DHX34: variants seen among roughly 807,000 people sequenced by gnomAD.
DHX34 encodes probable ATP-dependent RNA helicase DHX34.
In DHX34, 96 loss-of-function variants were observed where a neutral mutation model predicts 111.1. That is an observed-to-expected ratio of 0.86 (90% confidence interval 0.73 to 1.02). The LOEUF (loss-of-function observed/expected upper bound fraction) is 1.02. DHX34 is among the 50% of genes least tolerant of loss of function. The probability of loss-of-function intolerance (pLI) is 0.00; values close to 1 mark genes in which losing one functional copy is unlikely to be tolerated. For missense variants in DHX34, 1,560 were observed against 1,579.9 expected (o/e 0.99, Z 0.21); for synonymous variants, 688 against 670.4 (o/e 1.03, Z -0.41).
chr19:47,379,282 C>T (rs1472338489), intron 13 of DHX34, among the ~76,000 whole-genome samples: 2 of 152,206 alleles, frequency 1.3e-5, no homozygotes, highest in Non-Finnish European at 2.9e-5. Context: ...CTTTCCTCTG[C>T]CCTGGCCCCA....
At chr19:47,349,991 T>TACA (rs1192567284) in intron 1 of DHX34, among the ~76,000 whole-genome samples, 2 of 152,152 alleles carry the variant, frequency 1.3e-5, no homozygotes, top group Non-Finnish European at 2.9e-5. Context: ...TTAGCCTCTC[T>TACA]ATTGCTCAGT....
chr19:47,381,390 C>T, intron 16 of DHX34, 66 bp downstream of exon 16: 2 of 1,563,766 alleles, frequency 1.3e-6, no homozygotes, highest in Non-Finnish European at 1.7e-6. Flanking sequence ...ATGATGGTCT[C>T]CTGTGCGTGT....
chr19:47,361,636 G>A (rs1279715286), intron 5 of DHX34, among the ~76,000 whole-genome samples: 11 of 151,838 alleles, frequency 7.2e-5, no homozygotes, highest in South Asian at 2.1e-4. Context: ...AAAATGACCC[G>A]GGCATGGTGG....
intron 1 of DHX34, among the ~76,000 whole-genome samples, chr19:47,350,399 G>C (rs1488258034): frequency 6.6e-6 from 1 of 151,068 alleles, no homozygotes; most frequent in African/African-American, 2.4e-5. Flanking sequence ...GTGAGACCCT[G>C]TTTCAAAAAA....
chr19:47,381,141 G>A, intron 15 of DHX34, 45 bp from the exon 16 acceptor site: 1 of 1,607,006 alleles, frequency 6.2e-7, no homozygotes, highest in South Asian at 1.1e-5. Context: ...TGGGTGGTGG[G>A]TGGCACTTGG....
chr19:47,363,182 C>T (rs1969687162), intron 6 of DHX34, among the ~76,000 whole-genome samples: 2 of 152,094 alleles, frequency 1.3e-5, no homozygotes, highest in Middle Eastern at 3.4e-3. Context: ...TCTTGATTTC[C>T]TGACCTTGTA....
Position 47,376,044 on chromosome 19 carries a change from C to T in DHX34, c.2428C>T (p.Pro810Ser). Reference sequence around the variant, plus strand: ...GCTGGTGCTGGGCCGGGGCCTGTACCCACAGCTGGCCGTCCCCGACGCCTT... The same window carrying T: ...GCTGGTGCTGGGCCGGGGCCTGTACTCACAGCTGGCCGTCCCCGACGCCTT... ...LKLVLGRGLY[P>S]QLAVPDAFNS... is the part of the protein sequence containing the mutation. The change falls in exon 11 of 17, where the codon CCA becomes TCA. Residue 810 changes from proline (P) to serine (S), a missense_variant. Coordinates refer to ENST00000328771, the MANE Select transcript of DHX34 (RefSeq NM_014681.6). 1 of 1,595,142 alleles carries T rather than the reference C, an allele frequency of 6.3e-7. No individual in the cohort carries two copies. Among genetic ancestry groups the T allele is most frequent in the Non-Finnish European group, 8.5e-7 (1 of 1,171,168 alleles).
At chr19:47,377,281 C>T (rs933813839) in intron 13 of DHX34, 75 bp downstream of exon 13, 65 of 1,493,490 alleles carry the variant, frequency 4.4e-5, no homozygotes, top group South Asian at 3.2e-4. Flanking sequence ...GTGGGGGCAC[C>T]GCGTGGGCTT....
intron 7 of DHX34, among the ~76,000 whole-genome samples, chr19:47,371,625 G>A (rs535901592): frequency 1.3e-4 from 20 of 152,282 alleles, no homozygotes; most frequent in African/African-American, 4.8e-4. Context: ...TTGAGACGAA[G>A]TCTTGCTCTG....
At position 47,353,451 on chromosome 19, in the gene DHX34, C is replaced by A. The variant is rs1969353212; in HGVS notation, c.421C>A (p.Leu141Met). ...GTTCCGCCGAGCCCTGTTGCACTAC[C>A]TGGACTTTGGCCAGAAGCAGGCATT... ...AEFRRALLHY[L>M]DFGQKQAFGR... The change falls in exon 2 of 17, where the codon CTG becomes ATG. Residue 141 changes from leucine (L) to methionine (M), a missense_variant. Physicochemically the swap from Leu to Met is conservative, Grantham distance 15 (BLOSUM62 2). Transcript: ENST00000328771. The surrounding 1 kb of genome is among the most constrained non-coding windows in gnomAD (Gnocchi z 4.6). 11 of 1,614,062 alleles carry A rather than the reference C, an allele frequency of 6.8e-6. No homozygotes were observed. Among genetic ancestry groups the A allele is most frequent in the Non-Finnish European group, 9.3e-6 (11 of 1,180,044 alleles).
chr19:47,349,698 C>A (rs1044837200), intron 1 of DHX34, among the ~76,000 whole-genome samples: 2 of 152,014 alleles, frequency 1.3e-5, no homozygotes, highest in African/African-American at 4.8e-5. Context: ...GTCTTAGAGC[C>A]CACGAGGCCG....
rs955543104 is a variant in DHX34 at position 47,351,171 on chromosome 19, C to CTTTT, written c.-277-1561_-277-1558dup. Among the ~76,000 whole-genome samples, 97 of 93,094 alleles carry CTTTT rather than the reference C, an allele frequency of 1.0e-3. 1 individual carries two copies. Among genetic ancestry groups the CTTTT allele is most frequent in the East Asian group, 1.6e-3 (5 of 3,106 alleles). The allele number at this position is 93,094 out of a possible 152,430, so 61.1% of individuals were successfully genotyped here. A position where few individuals can be genotyped will look rare whatever the true frequency, so the allele number is the denominator to read the frequency against. On this transcript the variant is annotated intron_variant, in intron 1 of 16. Transcript: ENST00000328771. The stretch of plus-strand genomic sequence containing the variant: ...AGAAGAATGCTCTCATTTTCTTTTT[C>CTTTT]TTTTTTTTTTTTTTTTTTTTTTTTT...
chr19:47,360,669 T>TTTGTTGTTGTTG (rs58164248), intron 5 of DHX34, among the ~76,000 whole-genome samples: 32 of 149,118 alleles, frequency 2.1e-4, no homozygotes, highest in African/African-American at 2.8e-4. Flanking sequence ...TGACATTCTG[T>TTTGTTGTTGTTG]TTGTTGTTGT....
At chr19:47,381,558 GCTGTCTTTGTCTCTGTTT>G (rs922209565) in intron 16 of DHX34, 4 of 618,038 alleles carry the variant, frequency 6.5e-6, no homozygotes, top group African/African-American at 3.7e-5. Context: ...TCTCTGTGTT[GCTGTCTTTGTCTCTGTTT>G]CTGTCTCTCT....
At chr19:47,380,405 G>T (rs983819224) in intron 14 of DHX34, among the ~76,000 whole-genome samples, 1 of 151,998 alleles carries the variant, frequency 6.6e-6, no homozygotes, top group Admixed American at 6.6e-5. Flanking sequence ...CATGTGGGTG[G>T]GGTGGGGAGA....
intron 5 of DHX34, among the ~76,000 whole-genome samples, chr19:47,360,575 A>G (rs1314848709): frequency 1.3e-5 from 2 of 151,946 alleles, no homozygotes; most frequent in South Asian, 2.1e-4. Context: ...ATAAATGTCC[A>G]CCCGTCAGAG....
intron 6 of DHX34, among the ~76,000 whole-genome samples, chr19:47,364,652 C>G (rs112546657): frequency 1.3e-5 from 2 of 152,086 alleles, no homozygotes; most frequent in East Asian, 3.9e-4. Flanking sequence ...GCAGGAGGAT[C>G]GCTAGAGCCC....
rs1163856241 is a variant in DHX34, at chr19:47,372,737, G to A, written c.1776G>A (p.Met592Ile). The A allele has an allele frequency of 6.2e-7, 1 of 1,605,022 alleles. No individual in the cohort carries two copies. Among genetic ancestry groups the A allele is most frequent in the Non-Finnish European group, 8.5e-7 (1 of 1,175,676 alleles). Residue 592 changes from methionine (M) to isoleucine (I), a missense_variant, in exon 8 of 17, where the codon ATG (methionine) becomes ATA (isoleucine). Transcript: ENST00000328771. ...CCGTGTCCGCCGCTGCAGGGAAGAT[G>A]CTGATCCTGGGCTCCATGTTCAGCC... is the stretch of plus-strand genomic sequence containing the variant. ...QLPVDVVIGKMLILGSMFSLV... is the reference protein window; with the variant it reads ...QLPVDVVIGKILILGSMFSLV...
In DHX34 at chr19:47,377,213, C is replaced by A; in HGVS notation, c.2706+7C>A. 1 of 1,610,628 alleles carries A rather than the reference C, an allele frequency of 6.2e-7. No individual in the cohort carries two copies. The highest frequency in any genetic ancestry group is 8.5e-7 in the Non-Finnish European group (1 of 1,178,460). ...CCGCATCCCTGCCCTCCAGGTGGGC[C>A]TCTGCCCCACCCCGCCCCCATGCCC... On this transcript the variant is annotated splice_region_variant and intron_variant, in intron 13 of 16. Transcript: ENST00000328771.
Sources: allele counts gnomAD v4.1 joint callset (sites outside exome capture counted in the v4.1 genomes callset), GRCh38; gene constraint gnomAD v4.1.1; non-coding constraint Gnocchi (gnomAD v3.1); transcripts MANE v1.5; gene names NCBI Gene and HGNC (gene_info 2026-07-23, HGNC 2026-07-21).